The following STPG1 variants were observed in gnomAD, a reference collection of about 807,000 sequenced individuals.
STPG1 encodes O(6)-methylguanine-induced apoptosis 2.
Under a neutral mutation model 40.1 loss-of-function variants are expected in STPG1, and 33 were observed. The ratio of observed to expected loss-of-function variants is 0.82; its 90% confidence interval spans 0.62 to 1.10. The LOEUF (loss-of-function observed/expected upper bound fraction) is 1.10, where lower values mean the gene tolerates loss of function less well. Ranked by LOEUF, STPG1 falls within the 50% of genes least tolerant of loss-of-function variation. The pLI is 0.00. For synonymous variants in STPG1, 150 were observed against 155.0 expected (o/e 0.97, Z 0.24); for missense variants, 396 against 415.1 (o/e 0.95, Z 0.40).
In STPG1 at chr1:24,369,705, A is replaced by T; in HGVS notation, c.706T>A (p.Cys236Ser). ...PGPGYYNPSDCTKVPKKTLFP... is the reference protein window; with the variant it reads ...PGPGYYNPSDSTKVPKKTLFP... ...AGAGTCTTTTTTGGAACTTTTGTGC[A>T]ATCACTGGGGTTGTAATAACCAGGT... is the stretch of plus-strand genomic sequence containing the variant. The change falls in exon 7 of 9, where the codon TGC (cysteine) becomes AGC (serine). Residue 236 changes from cysteine (C) to serine (S), a missense_variant. By Grantham distance (112) the Cys-to-Ser change is moderately radical. Transcript: ENST00000337248. The T allele has an allele frequency of 6.3e-7, 1 of 1,599,382 alleles. No individual in the cohort carries two copies. Among genetic ancestry groups the T allele is most frequent in the Non-Finnish European group, 8.5e-7 (1 of 1,171,606 alleles).
intron 4 of STPG1, among the ~76,000 whole-genome samples, chr1:24,382,252 A>G (rs989575946): frequency 1.3e-5 from 2 of 152,226 alleles, no homozygotes; most frequent in Non-Finnish European, 2.9e-5. Context: ...TGTTGGCACC[A>G]AGAAGGAATG....
At position 24,357,407 on chromosome 1, in the gene STPG1, C is replaced by CTGA. The variant is rs1640796565; in HGVS notation, c.*1135_*1136insTCA. ...AAGCTGGAAGGTGGCGCTTCTCAAC[C>CTGA]TACACCTATCATTGGAATCACCTGG... On this transcript the variant is annotated 3_prime_UTR_variant, in exon 9 of 9. Transcript: ENST00000337248. The CTGA allele has an allele frequency of 6.6e-5, 10 of 152,554 alleles. No homozygotes were observed. The highest frequency in any genetic ancestry group is 1.0e-4 in the Non-Finnish European group (7 of 68,310). The allele number at this position is 152,554 out of a possible 1,614,324, so 9.5% of individuals were successfully genotyped here.
At chr1:24,370,721 G>T (rs1223808470) in intron 6 of STPG1, among the ~76,000 whole-genome samples, 3 of 151,826 alleles carry the variant, frequency 2.0e-5, no homozygotes, top group African/African-American at 7.3e-5. Context: ...TCGATCTCCT[G>T]ACCTCGTGAT....
chr1:24,410,432 A>G (rs1018393631), intron 1 of STPG1, among the ~76,000 whole-genome samples: 6 of 152,198 alleles, frequency 3.9e-5, no homozygotes, highest in Non-Finnish European at 7.3e-5. Flanking sequence ...AACACAGTGA[A>G]ACCCCATGTC....
At chr1:24,402,827 A>G (rs1643278770) in intron 1 of STPG1, among the ~76,000 whole-genome samples, 1 of 152,014 alleles carries the variant, frequency 6.6e-6, no homozygotes, top group African/African-American at 2.4e-5. Context: ...TTATTTATTG[A>G]GTTGTACAAG....
At chr1:24,382,954 C>G (rs1276381506) in intron 4 of STPG1, among the ~76,000 whole-genome samples, 1 of 138,146 alleles carries the variant, frequency 7.2e-6, no homozygotes. Context: ...CTCTGTCACC[C>G]AGGCTGGAGT....
intron 1 of STPG1, among the ~76,000 whole-genome samples, chr1:24,404,940 G>T (rs1264201080): frequency 6.6e-6 from 1 of 151,832 alleles, no homozygotes; most frequent in Non-Finnish European, 1.5e-5. Context: ...TGCTTACTTT[G>T]GGTTTCATTT....
chr1:24,414,337 C>T (rs116150919), upstream of STPG1: 4,256 of 151,354 alleles, frequency 0.028, 188 homozygotes, highest in African/African-American at 0.098. Flanking sequence ...TGAGCCACCA[C>T]GCCCGGCCCC....
intron 2 of STPG1, among the ~76,000 whole-genome samples, chr1:24,393,400 GA>G (rs1391976264): frequency 2.0e-5 from 3 of 152,202 alleles, no homozygotes; most frequent in African/African-American, 7.2e-5. Flanking sequence ...TTTGCTTTAA[GA>G]GAGCTATACA....
At chr1:24,397,644 C>T (rs547619726) in intron 2 of STPG1, among the ~76,000 whole-genome samples, 24 of 150,494 alleles carry the variant, frequency 1.6e-4, no homozygotes, top group Admixed American at 1.1e-3. Context: ...ATCATATTAA[C>T]GGACTAAAAA....
chr1:24,364,245 T>A (rs1641308075), intron 7 of STPG1: 11 of 1,548,758 alleles, frequency 7.1e-6, no homozygotes, highest in Non-Finnish European at 9.6e-6. Context: ...GTCTTGAATG[T>A]TCCCATCCTG....
chr1:24,367,027 C>T (rs1051318401), intron 7 of STPG1, among the ~76,000 whole-genome samples: 1 of 152,200 alleles, frequency 6.6e-6, no homozygotes, highest in South Asian at 2.1e-4. Context: ...AGAGAGCCAG[C>T]GAGCCCTAGA....
chr1:24,368,593 T>C (rs1291854149), intron 7 of STPG1: 1 of 152,232 alleles, frequency 6.6e-6, no homozygotes, highest in African/African-American at 2.4e-5. Context: ...GAGAGTAATA[T>C]AAAATGTGTA....
intron 5 of STPG1, among the ~76,000 whole-genome samples, chr1:24,374,264 T>G (rs967394532): frequency 2.2e-4 from 30 of 134,176 alleles, no homozygotes; most frequent in African/African-American, 7.1e-4. Context: ...TTTGTTTTTT[T>G]TTTTTTTTTT....
chr1:24,391,667 G>C lies in STPG1; in HGVS notation c.83C>G (p.Ala28Gly). The change falls in exon 3 of 9, where the codon GCA (alanine) becomes GGA (glycine). Residue 28 changes from alanine to glycine, a missense_variant. Coordinates refer to ENST00000337248, the MANE Select transcript of STPG1 (RefSeq NM_001199013.2). ...AGGAATGGAGGATTGTGTTGGATATGCAGCAGTAAAACCTAAACAACAAAA... is the reference window on the plus strand; with the variant it reads ...AGGAATGGAGGATTGTGTTGGATATCCAGCAGTAAAACCTAAACAACAAAA... ...ASEVQKGFTAAYPTQSSIPFK... is the reference protein window; with the variant it reads ...ASEVQKGFTAGYPTQSSIPFK... 6.5e-7 allele frequency: 1 copy of C among 1,545,294 alleles called. No homozygotes were observed. Among genetic ancestry groups the C allele is most frequent in the Middle Eastern group, 1.7e-4 (1 of 5,976 alleles).
chr1:24,393,384 G>C (rs1642861286), intron 2 of STPG1, among the ~76,000 whole-genome samples: 1 of 152,152 alleles, frequency 6.6e-6, no homozygotes, highest in South Asian at 2.1e-4. Context: ...CTATGTTTTT[G>C]GTTTGTTTGC....
chr1:24,378,879 G>A (rs1455057561), intron 5 of STPG1, among the ~76,000 whole-genome samples: 3 of 152,122 alleles, frequency 2.0e-5, no homozygotes, highest in Non-Finnish European at 4.4e-5. Context: ...GTACAGTGGG[G>A]GCTGTGACTT....
rs200080530 is a variant in STPG1, at chr1:24,384,012, G to T, written c.190-9C>A. On this transcript the variant is annotated splice_polypyrimidine_tract_variant and intron_variant, in intron 3 of 8. Coordinates refer to ENST00000337248, the MANE Select transcript of STPG1 (RefSeq NM_001199013.2). The stretch of plus-strand genomic sequence containing the variant: ...GGTCCTGGGATATCATTCTGAAAGG[G>T]AAGAGAAGGTGGTGTCATCGAGATA... 9.6e-6 allele frequency: 15 copies of T among 1,561,512 alleles called. No individual in the cohort carries two copies. The East Asian group carries it at 2.9e-4, about 30-fold the overall frequency.
Position 24,358,661 on chromosome 1 carries a change from G to A in STPG1, c.929-42C>T, listed in dbSNP as rs752772283. 8 of 1,473,656 alleles carry A rather than the reference G, an allele frequency of 5.4e-6. No individual in the cohort carries two copies. In the African/African-American group the frequency reaches 5.6e-5, roughly 10 times the overall value. The allele number at this position is 1,473,656 out of a possible 1,614,324, so 91.3% of individuals were successfully genotyped here. A position where few individuals can be genotyped will look rare whatever the true frequency, so the allele number is the denominator to read the frequency against. ...AGGCGGAGGCATTAAGAGAGAAAAGGCCCATTGCTGCAGTCTCTGGCATTC... is the reference window on the plus strand; with the variant it reads ...AGGCGGAGGCATTAAGAGAGAAAAGACCCATTGCTGCAGTCTCTGGCATTC... On this transcript the variant is annotated intron_variant, in intron 8 of 8. Coordinates refer to ENST00000337248, the MANE Select transcript of STPG1 (RefSeq NM_001199013.2).
Sources: allele counts gnomAD v4.1 joint callset (sites outside exome capture counted in the v4.1 genomes callset), GRCh38; gene constraint gnomAD v4.1.1; transcripts MANE v1.5; gene names NCBI Gene and HGNC (gene_info 2026-07-23, HGNC 2026-07-21).